Variants in ITGA4 observed in about 807,000 individuals in gnomAD.
ITGA4 encodes the protein integrin alpha-4.
Under a neutral mutation model 133.6 loss-of-function variants are expected in ITGA4, and 63 were observed. The observed-to-expected ratio is 0.47, with a 90% CI of 0.38 to 0.58. The LOEUF is 0.58. Among genes scored for constraint, ITGA4 ranks in the 20% least tolerant of loss-of-function variants. The pLI, the probability that ITGA4 is intolerant of heterozygous loss-of-function variation, is 0.00. For synonymous variants in ITGA4, 483 were observed against 438.0 expected, an observed-to-expected ratio of 1.10 and a Z score of -1.28; for missense variants, 1,076 against 1,252.7, an observed-to-expected ratio of 0.86 and a Z score of 2.13.
intron 2 of ITGA4, among the ~76,000 whole-genome samples, chr2:181,472,663 A>C (rs975772699): frequency 3.9e-5 from 6 of 152,250 alleles, no homozygotes; most frequent in African/African-American, 1.2e-4. Context: ...TTGTATTATA[A>C]TGAAAATTAA....
rs897121923 is a variant in ITGA4, at chr2:181,537,744, A to G, written c.*2217A>G. On this transcript the variant is annotated 3_prime_UTR_variant, in exon 28 of 28. Transcript: ENST00000397033. ...TGTGTCCAATAAACACATTGTAAAA[A>G]AAAGAATTTGAATTGATATCTAAAA... The G allele has an allele frequency of 2.3e-6, 1 of 442,670 alleles. No individual in the cohort carries two copies. The highest frequency in any genetic ancestry group is 2.0e-5 in the African/African-American group (1 of 49,440). 27.4% of individuals were successfully genotyped at this position (442,670 alleles called of 1,614,324 possible).
At chr2:181,533,283 A>G (rs933161701) in intron 25 of ITGA4, among the ~76,000 whole-genome samples, 1 of 152,226 alleles carries the variant, frequency 6.6e-6, no homozygotes, top group Non-Finnish European at 1.5e-5. Context: ...AATTCTTGAA[A>G]TTGCCAAACA....
chr2:181,487,609 G>A (rs1685950076), intron 10 of ITGA4, among the ~76,000 whole-genome samples: 1 of 152,086 alleles, frequency 6.6e-6, no homozygotes, highest in African/African-American at 2.4e-5. Context: ...TTACAAGCCT[G>A]GTTTGATTAA....
At chr2:181,475,309 G>T in intron 4 of ITGA4, 21 bp downstream of exon 4, 1 of 1,585,440 alleles carries the variant, frequency 6.3e-7, no homozygotes, top group South Asian at 1.1e-5. Context: ...ATTTTGATAC[G>T]AATTAGATAA....
intron 2 of ITGA4, among the ~76,000 whole-genome samples, chr2:181,459,884 T>G (rs532899978): frequency 6.6e-6 from 1 of 152,338 alleles, no homozygotes; most frequent in East Asian, 1.9e-4. Flanking sequence ...GGATGGACAC[T>G]GAATCTATTT....
At chr2:181,474,886 A>G in intron 2 of ITGA4, 74 bp from the exon 3 acceptor site, 1 of 1,024,580 alleles carries the variant, frequency 9.8e-7, no homozygotes, top group South Asian at 1.4e-5. Flanking sequence ...AATACTGGGG[A>G]TGAGTGCACA....
chr2:181,531,946 C>G (rs959429547), intron 25 of ITGA4, among the ~76,000 whole-genome samples, 170 bp downstream of exon 25: 1 of 152,178 alleles, frequency 6.6e-6, no homozygotes, highest in African/African-American at 2.4e-5. Flanking sequence ...TCTACATTGA[C>G]TAAGTGAAAT....
intron 16 of ITGA4, among the ~76,000 whole-genome samples, chr2:181,511,080 G>A (rs905796110): frequency 2.6e-5 from 4 of 151,814 alleles, no homozygotes; most frequent in Non-Finnish European, 5.9e-5. Context: ...ACCTGTTCCC[G>A]TTACCTTCCC....
chr2:181,518,498 AT>A (rs1294285936), intron 17 of ITGA4, among the ~76,000 whole-genome samples: 2 of 152,106 alleles, frequency 1.3e-5, no homozygotes, highest in African/African-American at 4.8e-5. Context: ...TACAAAATAG[AT>A]TTCAATTAAA....
intron 15 of ITGA4, among the ~76,000 whole-genome samples, chr2:181,501,521 C>G (rs1241178735): frequency 1.3e-5 from 2 of 152,096 alleles, no homozygotes; most frequent in Non-Finnish European, 2.9e-5. Flanking sequence ...AGTAGGAGAT[C>G]AAGATTCGAC....
At chr2:181,531,947 T>C (rs1333309270) in intron 25 of ITGA4, among the ~76,000 whole-genome samples, 171 bp downstream of exon 25, 2 of 152,236 alleles carry the variant, frequency 1.3e-5, no homozygotes, top group East Asian at 3.8e-4. Flanking sequence ...CTACATTGAC[T>C]AAGTGAAATG....
chr2:181,503,776 T>C (rs1686334746), intron 15 of ITGA4, among the ~76,000 whole-genome samples: 1 of 151,814 alleles, frequency 6.6e-6, no homozygotes, highest in Non-Finnish European at 1.5e-5. Context: ...CTATTAGACA[T>C]TGCTTTTTCC....
intron 25 of ITGA4, among the ~76,000 whole-genome samples, chr2:181,532,588 A>T (rs1387170471): frequency 6.6e-6 from 1 of 152,126 alleles, no homozygotes; most frequent in African/African-American, 2.4e-5. Context: ...ACTTTTGCAC[A>T]TTGATTTTTG....
chr2:181,533,922 G>A (rs1256048054), intron 25 of ITGA4, among the ~76,000 whole-genome samples: 1 of 152,112 alleles, frequency 6.6e-6, no homozygotes, highest in Non-Finnish European at 1.5e-5. Flanking sequence ...ATTCTATAAT[G>A]TATTTAATTT....
At chr2:181,518,209 T>G (rs1686649487) in intron 17 of ITGA4, among the ~76,000 whole-genome samples, 1 of 152,112 alleles carries the variant, frequency 6.6e-6, no homozygotes, top group African/African-American at 2.4e-5. Context: ...GGTAGCACAC[T>G]GTCACTCAGA....
chr2:181,492,145 G>A (rs776791375), intron 10 of ITGA4, among the ~76,000 whole-genome samples: 34 of 152,202 alleles, frequency 2.2e-4, no homozygotes, highest in Non-Finnish European at 2.6e-4. Context: ...CTGGAATATA[G>A]TAGGTGCTCA....
Position 181,457,843 on chromosome 2 carries a change from G to T in ITGA4, c.189G>T (p.Ala63=), listed in dbSNP as rs1685164820. The part of the protein sequence containing the change: ...GYSVVLHSHG[A]NRWLLVGAPT... ...CGGTCGTGCTGCACAGCCACGGGGC[G>T]AACCGATGGTGAGTAGAGTTGGACT... The change falls in exon 1 of 28, where the codon GCG becomes GCT. Residue 63 remains alanine, a synonymous_variant. Coordinates refer to ENST00000397033, the MANE Select transcript of ITGA4 (RefSeq NM_000885.6). 1 of 1,611,712 alleles carries T rather than the reference G, an allele frequency of 6.2e-7. No homozygotes were observed. The highest frequency in any genetic ancestry group is 8.5e-7 in the Non-Finnish European group (1 of 1,178,886).
chr2:181,484,749 G>A (rs1377413236), intron 9 of ITGA4, among the ~76,000 whole-genome samples: 2 of 152,110 alleles, frequency 1.3e-5, no homozygotes, highest in Non-Finnish European at 2.9e-5. Context: ...ACTACAACAT[G>A]GTACATGGCA....
intron 10 of ITGA4, among the ~76,000 whole-genome samples, chr2:181,489,640 A>C (rs1685999923): frequency 6.6e-6 from 1 of 152,224 alleles, no homozygotes; most frequent in Non-Finnish European, 1.5e-5. Context: ...TATATCGTCA[A>C]ATCATTAAGT....
Sources: allele counts gnomAD v4.1 joint callset (sites outside exome capture counted in the v4.1 genomes callset), GRCh38; gene constraint gnomAD v4.1.1; transcripts MANE v1.5; gene names NCBI Gene and HGNC (gene_info 2026-07-23, HGNC 2026-07-21).